CBFA2T3: variants seen among roughly 807,000 people sequenced by gnomAD.
CBFA2T3 encodes CBFA2/RUNX1 partner transcriptional co-repressor 3.
In CBFA2T3, 31 loss-of-function variants were observed where a neutral mutation model predicts 58.6. The observed-to-expected ratio is 0.53, with a 90% CI of 0.40 to 0.71. The LOEUF (loss-of-function observed/expected upper bound fraction) is 0.71, where lower values mean the gene tolerates loss of function less well. Ranked by LOEUF, CBFA2T3 falls within the 30% of genes least tolerant of loss-of-function variation. The pLI, the probability that CBFA2T3 is intolerant of heterozygous loss-of-function variation, is 0.00. For synonymous variants in CBFA2T3, 531 were observed against 421.9 expected, an observed-to-expected ratio of 1.26 and a Z score of -3.17; for missense variants, 1,076 against 963.1, an observed-to-expected ratio of 1.12 and a Z score of -1.55.
intron 1 of CBFA2T3, among the ~76,000 whole-genome samples, chr16:88,956,341 C>G (rs1972219642): frequency 6.6e-6 from 1 of 152,256 alleles, no homozygotes; most frequent in African/African-American, 2.4e-5. Context: ...AGACCTTCAC[C>G]CACCCGCCGG....
At chr16:88,967,848 C>T (rs1597799401) in intron 1 of CBFA2T3, among the ~76,000 whole-genome samples, 2 of 152,196 alleles carry the variant, frequency 1.3e-5, no homozygotes, top group Admixed American at 6.5e-5. Context: ...CCCGGAGCAG[C>T]GCGTCCAGCG....
At chr16:88,941,512 C>T (rs1457289395) in intron 1 of CBFA2T3, among the ~76,000 whole-genome samples, 1 of 148,572 alleles carries the variant, frequency 6.7e-6, no homozygotes, top group Admixed American at 6.7e-5. Flanking sequence ...GCCCCCAACG[C>T]CTCCGCCACC....
At chr16:88,904,872 G>A (rs368667912) in intron 1 of CBFA2T3, among the ~76,000 whole-genome samples, 3 of 152,330 alleles carry the variant, frequency 2.0e-5, no homozygotes, top group African/African-American at 7.2e-5. Flanking sequence ...GAGGAAGCCA[G>A]GTGACAGGAA....
chr16:88,945,768 A>G (rs1442833805), intron 1 of CBFA2T3, among the ~76,000 whole-genome samples: 1 of 152,234 alleles, frequency 6.6e-6, no homozygotes, highest in Middle Eastern at 3.2e-3. Flanking sequence ...ACTGTTTCTT[A>G]TGAAACTACA....
In CBFA2T3 at chr16:88,885,049, G is replaced by T; in HGVS notation, c.1114C>A (p.Leu372Ile). 6.3e-7 allele frequency: 1 copy of T among 1,595,470 alleles called. No homozygotes were observed. Residue 372 changes from leucine to isoleucine, a missense_variant, in exon 7 of 12, where the codon CTT (leucine) becomes ATT (isoleucine). Transcript: ENST00000268679. This position sits in a 1 kb window ranked among gnomAD's most constrained non-coding sequence, Gnocchi z 5.3. Reference protein sequence around the residue: ...PRELRERHRPLVVPGSRQEEV... With the variant: ...PRELRERHRPIVVPGSRQEEV... Reference sequence around the variant, plus strand: ...CCCGCCCCACCGGGCTGCTCACCAAGCGGCCGATGGCGCTCTCGTAGCTCC... The same window carrying T: ...CCCGCCCCACCGGGCTGCTCACCAATCGGCCGATGGCGCTCTCGTAGCTCC...
At chr16:88,934,163 A>C (rs1001651406) in intron 1 of CBFA2T3, among the ~76,000 whole-genome samples, 6 of 134,854 alleles carry the variant, frequency 4.4e-5, no homozygotes, top group Non-Finnish European at 7.7e-5. Context: ...CGGCACACGG[A>C]GGCACCGGCG....
intron 1 of CBFA2T3, chr16:88,951,031 AG>A: frequency 2.5e-6 from 1 of 406,290 alleles, no homozygotes; most frequent in South Asian, 1.7e-5. Context: ...GCACCGGCAC[AG>A]AGGGTCAGAG....
chr16:88,882,350 G>A (rs1597659337), intron 8 of CBFA2T3, among the ~76,000 whole-genome samples: 1 of 152,140 alleles, frequency 6.6e-6, no homozygotes, highest in East Asian at 1.9e-4. Flanking sequence ...GGCTGTGCGT[G>A]GGTGTGGCTG....
chr16:88,954,664 T>C (rs74334902), intron 1 of CBFA2T3, among the ~76,000 whole-genome samples: 52 of 7,254 alleles, frequency 7.2e-3, no homozygotes, highest in Admixed American at 0.014. Flanking sequence ...CTCCTGACCC[T>C]ACCCAAGGCT....
intron 3 of CBFA2T3, among the ~76,000 whole-genome samples, chr16:88,896,683 G>A (rs1024676524): frequency 2.6e-5 from 4 of 152,188 alleles, no homozygotes; most frequent in East Asian, 1.9e-4. Context: ...TCACTGCAGC[G>A]GGAGGCTGGT....
intron 1 of CBFA2T3, among the ~76,000 whole-genome samples, chr16:88,924,297 T>C (rs60811881): frequency 0.017 from 2,539 of 152,298 alleles, 79 homozygotes; most frequent in African/African-American, 0.058. Flanking sequence ...TGGGGCACAC[T>C]GCGTGCCTTC....
In CBFA2T3 at chr16:88,916,411, C is replaced by T. The variant is rs552896093; in HGVS notation, c.152-14755G>A. On this transcript the variant is annotated intron_variant, in intron 1 of 11. Coordinates refer to ENST00000268679, the MANE Select transcript of CBFA2T3 (RefSeq NM_005187.6). ...GTATGTATTCATATGCGTATTCATG[C>T]GTGTGCATGGCTGTGTCCGTGTGTG... 4.4e-4 allele frequency among the ~76,000 whole-genome samples: 64 copies of T among 143,960 alleles called. 1 individual carries two copies. In the South Asian group the frequency reaches 6.0e-3, roughly 13 times the overall value. 94.4% of individuals were successfully genotyped at this position (143,960 alleles called of 152,430 possible).
intron 1 of CBFA2T3, among the ~76,000 whole-genome samples, chr16:88,917,738 G>A (rs566307435): frequency 6.6e-6 from 1 of 152,194 alleles, no homozygotes; most frequent in Non-Finnish European, 1.5e-5. Context: ...GTGCCAGAAT[G>A]TTCCCCCAGC....
intron 1 of CBFA2T3, among the ~76,000 whole-genome samples, chr16:88,919,293 G>A (rs916475145): frequency 2.0e-5 from 3 of 152,148 alleles, no homozygotes; most frequent in South Asian, 2.1e-4. Flanking sequence ...TAAAAAAACC[G>A]GACACAGCGT....
chr16:88,904,525 T>G (rs1030012617), intron 1 of CBFA2T3, among the ~76,000 whole-genome samples: 4 of 152,212 alleles, frequency 2.6e-5, no homozygotes, highest in Admixed American at 2.0e-4. Flanking sequence ...TGCCTCCTTT[T>G]AGGCCTCAAG....
chr16:88,976,076 G>C (rs1302023069), intron 1 of CBFA2T3, among the ~76,000 whole-genome samples: 2 of 152,188 alleles, frequency 1.3e-5, no homozygotes, highest in Non-Finnish European at 2.9e-5. Flanking sequence ...CTGGCGTCCT[G>C]CTGGACTGGA....
At chr16:88,929,085 AC>A (rs1971186756) in intron 1 of CBFA2T3, among the ~76,000 whole-genome samples, 1 of 139,350 alleles carries the variant, frequency 7.2e-6, no homozygotes, top group Admixed American at 7.1e-5. Flanking sequence ...TGCAAAATAG[AC>A]CTGGGATGGG....
chr16:88,896,872 C>T (rs922025168), intron 3 of CBFA2T3, among the ~76,000 whole-genome samples: 2 of 152,148 alleles, frequency 1.3e-5, no homozygotes, highest in Non-Finnish European at 2.9e-5. Flanking sequence ...GCCTGCTCGC[C>T]CTCGCCTGCC....
chr16:88,924,533 T>G (rs511893), intron 1 of CBFA2T3, among the ~76,000 whole-genome samples: 69,628 of 151,540 alleles, frequency 0.46, 16,861 homozygotes, highest in African/African-American at 0.61. Context: ...GGCCCAGTGG[T>G]GGCTGCGGGG....
Sources: allele counts gnomAD v4.1 joint callset (sites outside exome capture counted in the v4.1 genomes callset), GRCh38; gene constraint gnomAD v4.1.1; non-coding constraint Gnocchi (gnomAD v3.1); transcripts MANE v1.5; gene names NCBI Gene and HGNC (gene_info 2026-07-23, HGNC 2026-07-21).